The following TXNDC8 variants were observed in gnomAD, a reference collection of about 807,000 sequenced individuals.
TXNDC8 encodes thioredoxin domain containing 8, also known as thioredoxin domain-containing protein 8.
In TXNDC8, 15 loss-of-function variants were observed where a neutral mutation model predicts 12.9. That is an observed-to-expected ratio of 1.16 (90% CI 0.78 to 1.79). TXNDC8 has a LOEUF of 1.79. Among genes scored for constraint, TXNDC8 ranks in the 40% most tolerant of loss-of-function variants. The probability of loss-of-function intolerance (pLI) is 0.00; values close to 1 mark genes in which losing one functional copy is unlikely to be tolerated. For missense variants in TXNDC8, 128 were observed against 113.2 expected, an observed-to-expected ratio of 1.13 and a Z score of -0.59; for synonymous variants, 40 against 35.4, an observed-to-expected ratio of 1.13 and a Z score of -0.46.
intron 3 of TXNDC8, among the ~76,000 whole-genome samples, chr9:110,316,784 C>T (rs1838899208): frequency 6.6e-6 from 1 of 152,150 alleles, no homozygotes; most frequent in Non-Finnish European, 1.5e-5. Flanking sequence ...GAGTGCTTTT[C>T]TTCTGTGTAG....
chr9:110,303,820 A>AATAT, intron 4 of TXNDC8: 1 of 839,766 alleles, frequency 1.2e-6, no homozygotes, highest in Non-Finnish European at 1.8e-6. Flanking sequence ...AATTCTCCAT[A>AATAT]ATATACCTTT....
At chr9:110,309,593 C>T (rs1189173061) in intron 3 of TXNDC8, among the ~76,000 whole-genome samples, 2 of 152,198 alleles carry the variant, frequency 1.3e-5, no homozygotes, top group African/African-American at 4.8e-5. Flanking sequence ...ATCTTGACCT[C>T]CCAAGGTGCT....
chr9:110,328,737 C>T (rs763768328), intron 2 of TXNDC8, among the ~76,000 whole-genome samples: 1 of 152,186 alleles, frequency 6.6e-6, no homozygotes, highest in South Asian at 2.1e-4. Flanking sequence ...ACCCAGTAGG[C>T]GGAGGTTATG....
At chr9:110,319,690 G>A (rs1839019019) in intron 3 of TXNDC8, among the ~76,000 whole-genome samples, 1 of 152,196 alleles carries the variant, frequency 6.6e-6, no homozygotes, top group South Asian at 2.1e-4. Context: ...AGTTGGGAAC[G>A]TGATTCTCCA....
Position 110,334,234 on chromosome 9 carries a change from C to G in TXNDC8, c.111G>C (p.Arg37Ser), listed in dbSNP as rs781217384. Residue 37 changes from arginine to serine, a missense_variant, in exon 2 of 5, where the codon AGG becomes AGC. Coordinates refer to ENST00000423740, the MANE Select transcript of TXNDC8 (RefSeq NM_001286946.2). ...TACTCACATGGAAAACAGGAAACAT[C>G]CTTTTGCAGGGACCACACCGTTTCG... 6.2e-7 allele frequency: 1 copy of G among 1,612,468 alleles called. No individual in the cohort carries two copies. The highest frequency in any genetic ancestry group is 2.2e-5 in the East Asian group (1 of 44,816).
chr9:110,305,774 T>C (rs1335356653), intron 3 of TXNDC8, among the ~76,000 whole-genome samples: 3 of 87,668 alleles, frequency 3.4e-5, no homozygotes, highest in East Asian at 7.4e-4. Context: ...CTTTCTTTTC[T>C]TTTCTTTTCT....
In TXNDC8 at chr9:110,304,042, A is replaced by G. The variant is rs536755230; in HGVS notation, c.262-334T>C. ...TCTAAGAAGCACATGTTCCTTTCAA[A>G]TGTTTACATCTCTGAATCAGAATGC... On this transcript the variant is annotated intron_variant, in intron 4 of 4. Transcript: ENST00000423740. Among the ~76,000 whole-genome samples, 10 of 152,298 alleles carry G rather than the reference A, an allele frequency of 6.6e-5. No individual in the cohort carries two copies. In the South Asian group the frequency reaches 2.1e-3, roughly 32 times the overall value.
At chr9:110,312,498 T>G (rs1838726337) in intron 3 of TXNDC8, among the ~76,000 whole-genome samples, 1 of 152,200 alleles carries the variant, frequency 6.6e-6, no homozygotes. Flanking sequence ...AATGTCACTT[T>G]CTGACAGGCC....
intron 3 of TXNDC8, among the ~76,000 whole-genome samples, chr9:110,324,804 C>T (rs1344759783): frequency 6.6e-6 from 1 of 152,172 alleles, no homozygotes; most frequent in Non-Finnish European, 1.5e-5. Flanking sequence ...CCAATGCCCC[C>T]GGCCATGTAA....
chr9:110,314,157 A>G (rs556177749), intron 3 of TXNDC8, among the ~76,000 whole-genome samples: 1 of 152,308 alleles, frequency 6.6e-6, no homozygotes, highest in South Asian at 2.1e-4. Context: ...GAGGCTAATC[A>G]GAAACTCAAA....
chr9:110,337,511 G>C (rs193091280), intron 1 of TXNDC8, among the ~76,000 whole-genome samples: 12 of 152,298 alleles, frequency 7.9e-5, no homozygotes, highest in African/African-American at 2.9e-4. Flanking sequence ...ACTAGGAGCT[G>C]GTCTGGGATT....
At chr9:110,316,710 A>G (rs572013563) in intron 3 of TXNDC8, among the ~76,000 whole-genome samples, 277 of 152,312 alleles carry the variant, frequency 1.8e-3, no homozygotes, top group Non-Finnish European at 3.6e-3. Context: ...ATTTTCTTGT[A>G]GCTGATTTAG....
At chr9:110,336,374 A>G (rs1587998714) in intron 1 of TXNDC8, among the ~76,000 whole-genome samples, 1 of 152,190 alleles carries the variant, frequency 6.6e-6, no homozygotes, top group East Asian at 1.9e-4. Flanking sequence ...CTAACTTTTC[A>G]GAGAACCTTG....
At chr9:110,315,345 G>T (rs932621753) in intron 3 of TXNDC8, among the ~76,000 whole-genome samples, 1 of 152,118 alleles carries the variant, frequency 6.6e-6, no homozygotes, top group South Asian at 2.1e-4. Flanking sequence ...TAATCCACCC[G>T]CCTCAGCCTC....
At position 110,310,699 on chromosome 9, in the gene TXNDC8, C is replaced by T. The variant is rs555844792; in HGVS notation, c.196-6167G>A. ...TTAAGTAAAATCTTTAATAAACAAGCTAGCTTTAAAATTATTGGAAGCGTA... is the reference window on the plus strand; with the variant it reads ...TTAAGTAAAATCTTTAATAAACAAGTTAGCTTTAAAATTATTGGAAGCGTA... On this transcript the variant is annotated intron_variant, in intron 3 of 4. Coordinates refer to ENST00000423740, the MANE Select transcript of TXNDC8 (RefSeq NM_001286946.2). Among the ~76,000 whole-genome samples, 11 of 152,240 alleles carry T rather than the reference C, an allele frequency of 7.2e-5. No homozygotes were observed. The East Asian group carries it at 2.1e-3, about 29-fold the overall frequency.
At chr9:110,309,070 G>T (rs1169464968) in intron 3 of TXNDC8, among the ~76,000 whole-genome samples, 1 of 152,168 alleles carries the variant, frequency 6.6e-6, no homozygotes, top group African/African-American at 2.4e-5. Context: ...GTAGGAAGTT[G>T]TTAAGGATCC....
downstream of TXNDC8, chr9:110,303,454 G>C: frequency 2.7e-6 from 4 of 1,481,508 alleles, no homozygotes; most frequent in Non-Finnish European, 3.6e-6. Context: ...TGCTGGAAAT[G>C]AAAGCACAAA....
At chr9:110,323,969 T>C in intron 3 of TXNDC8, 1 of 1,550,746 alleles carries the variant, frequency 6.4e-7, no homozygotes, top group African/African-American at 1.4e-5. Context: ...GGGGATGGAG[T>C]TCACTGGTTG....
intron 3 of TXNDC8, among the ~76,000 whole-genome samples, chr9:110,311,528 T>TATAG (rs1838666189): frequency 1.9e-5 from 2 of 104,050 alleles, no homozygotes; most frequent in Non-Finnish European, 3.4e-5. Flanking sequence ...GAGGTATATA[T>TATAG]ATATATATAT....
Sources: gnomAD v4.1 joint callset for allele counts (sites outside exome capture counted in the v4.1 genomes callset) on GRCh38, gnomAD v4.1.1 for gene constraint, MANE v1.5 for transcripts, NCBI Gene and HGNC (gene_info 2026-07-23, HGNC 2026-07-21) for gene names.